SFMBT2: variants seen among roughly 807,000 people sequenced by gnomAD.
SFMBT2 encodes the protein scm-like with four MBT domains protein 2.
A neutral mutation model predicts 110.1 loss-of-function variants in SFMBT2; 38 were observed. That is an observed-to-expected ratio of 0.35 (90% CI 0.27 to 0.45). SFMBT2 has a LOEUF of 0.45. SFMBT2 is among the 20% of genes least tolerant of loss of function. The pLI is 1.00. For missense variants in SFMBT2, 1,011 were observed against 1,094.9 expected, an observed-to-expected ratio of 0.92 and a Z score of 1.08; for synonymous variants, 425 against 425.4, an observed-to-expected ratio of 1.00 and a Z score of 0.01.
At position 7,367,792 on chromosome 10, in the gene SFMBT2, G is replaced by A. The variant is rs1382391895; in HGVS notation, c.293C>T (p.Thr98Ile). 3.7e-6 allele frequency: 6 copies of A among 1,614,058 alleles called. No homozygotes were observed. The highest frequency in any genetic ancestry group is 3.3e-5 in the Admixed American group (2 of 59,998). ...PDTYWVATIITTCGQLLLLRY... is the reference protein window; with the variant it reads ...PDTYWVATIIITCGQLLLLRY... ...CAGAAGCAGCAGCTGCCCGCACGTG[G>A]TAATGATCGTGGCCACCCAGTACGT... The change falls in exon 4 of 21, where the codon ACC (threonine) becomes ATC (isoleucine). Residue 98 changes from threonine to isoleucine, a missense_variant. By Grantham distance (89) the Thr-to-Ile change is moderately conservative. Transcript: ENST00000397167. The surrounding 1 kb of genome is among the most constrained non-coding windows in gnomAD (Gnocchi z 6.2).
At chr10:7,362,322 A>G (rs1056646486) in intron 4 of SFMBT2, among the ~76,000 whole-genome samples, 1 of 152,172 alleles carries the variant, frequency 6.6e-6, no homozygotes, top group Non-Finnish European at 1.5e-5. Flanking sequence ...CATCTCCTGG[A>G]GCTGCCGCCA....
intron 4 of SFMBT2, among the ~76,000 whole-genome samples, chr10:7,360,032 G>C (rs1272172856): frequency 6.6e-6 from 1 of 152,208 alleles, no homozygotes; most frequent in Non-Finnish European, 1.5e-5. Context: ...CACTTCAAAA[G>C]GATGTTCTGA....
chr10:7,266,555 C>T (rs111248157), intron 7 of SFMBT2, among the ~76,000 whole-genome samples: 2 of 152,158 alleles, frequency 1.3e-5, no homozygotes, highest in East Asian at 1.9e-4. Context: ...ACGGCAGGTA[C>T]GTGAAGCCTC....
At chr10:7,223,577 G>T (rs558260088) in intron 10 of SFMBT2, among the ~76,000 whole-genome samples, 1 of 151,972 alleles carries the variant, frequency 6.6e-6, no homozygotes, top group Admixed American at 6.5e-5. Flanking sequence ...TATTTTCAAG[G>T]TCATGGACTC....
Position 7,172,739 on chromosome 10 carries a change from G to A in SFMBT2, c.1985-78C>T, listed in dbSNP as rs1837927108. On this transcript the variant is annotated intron_variant, in intron 17 of 20. Transcript: ENST00000397167. The surrounding 1 kb of genome is among the most constrained non-coding windows in gnomAD (Gnocchi z 4.6). ...GAACAGAGAGAGGAGAGAGAAAGAA[G>A]GGAAACGATTCTTTCATCTGATAGT... The A allele has an allele frequency of 9.6e-6, 14 of 1,462,204 alleles. No individual in the cohort carries two copies. Among genetic ancestry groups the A allele is most frequent in the Non-Finnish European group, 1.2e-5 (13 of 1,085,484 alleles). The allele number at this position is 1,462,204 out of a possible 1,614,324, so 90.6% of individuals were successfully genotyped here. A position where few individuals can be genotyped will look rare whatever the true frequency, so the allele number is the denominator to read the frequency against.
chr10:7,325,019 G>A (rs1305818507), intron 4 of SFMBT2, among the ~76,000 whole-genome samples: 1 of 142,474 alleles, frequency 7.0e-6, no homozygotes. Context: ...CCAGGCTGGA[G>A]TGCAATGGCA....
chr10:7,332,667 A>T (rs12243904), intron 4 of SFMBT2, among the ~76,000 whole-genome samples: 5 of 152,326 alleles, frequency 3.3e-5, no homozygotes, highest in African/African-American at 1.2e-4. Flanking sequence ...CCTAGGAAAA[A>T]AAAATTATTT....
intron 2 of SFMBT2, among the ~76,000 whole-genome samples, chr10:7,375,795 ACACAC>A (rs1453657081): frequency 6.9e-6 from 1 of 144,956 alleles, no homozygotes; most frequent in Non-Finnish European, 1.5e-5. Flanking sequence ...ACACACACAC[ACACAC>A]AAATCACCTA....
At chr10:7,232,354 TA>T (rs1203961290) in intron 9 of SFMBT2, among the ~76,000 whole-genome samples, 1 of 152,112 alleles carries the variant, frequency 6.6e-6, no homozygotes, top group African/African-American at 2.4e-5. Context: ...TCTGGGAACT[TA>T]TCCCATAAAA....
chr10:7,184,048 T>A (rs894287315), intron 16 of SFMBT2, among the ~76,000 whole-genome samples: 2 of 152,212 alleles, frequency 1.3e-5, no homozygotes, highest in Admixed American at 1.3e-4. Flanking sequence ...GATATCAATA[T>A]ATGTGTGGCC....
intron 2 of SFMBT2, among the ~76,000 whole-genome samples, chr10:7,376,727 CAAAAAAAA>C (rs35816107): frequency 2.2e-5 from 1 of 44,736 alleles, no homozygotes; most frequent in African/African-American, 1.0e-4. Context: ...GGCCCTCCCA[CAAAAAAAA>C]AAAAAAAAAA....
chr10:7,229,319 G>A (rs141023879), intron 9 of SFMBT2, among the ~76,000 whole-genome samples: 2,844 of 152,142 alleles, frequency 0.019, 62 homozygotes, highest in African/African-American at 0.062. Flanking sequence ...GGTGGCTCAC[G>A]CCTGTAATCC....
intron 8 of SFMBT2, chr10:7,244,191 T>G (rs1173254228): frequency 4.1e-6 from 1 of 246,720 alleles, no homozygotes; most frequent in Non-Finnish European, 6.5e-6. Flanking sequence ...CACCCCACCC[T>G]CCAGCCCGAG....
chr10:7,405,828 C>G (rs975956271), intron 1 of SFMBT2, among the ~76,000 whole-genome samples: 2 of 124,838 alleles, frequency 1.6e-5, no homozygotes, highest in African/African-American at 5.7e-5. Context: ...CGATTCCCCC[C>G]CCGACCCCCG....
At chr10:7,206,066 T>C (rs935536868) in intron 11 of SFMBT2, 138 bp from the exon 12 acceptor site, 1 of 1,391,174 alleles carries the variant, frequency 7.2e-7, no homozygotes, top group Middle Eastern at 2.7e-4. Context: ...AAAAACAAAA[T>C]AGCCATATGG....
chr10:7,392,341 T>C (rs1020593680), intron 1 of SFMBT2, among the ~76,000 whole-genome samples: 2 of 152,050 alleles, frequency 1.3e-5, no homozygotes, highest in Non-Finnish European at 2.9e-5. Flanking sequence ...ATGCAGAAAC[T>C]CAGTCTCTAC....
chr10:7,185,044 A>G (rs934994326), intron 16 of SFMBT2, among the ~76,000 whole-genome samples: 7 of 152,156 alleles, frequency 4.6e-5, no homozygotes, highest in Non-Finnish European at 7.3e-5. Flanking sequence ...ACTCCTCAGA[A>G]ATTTCTTTCT....
intron 10 of SFMBT2, among the ~76,000 whole-genome samples, chr10:7,226,570 T>C (rs1456942043): frequency 3.9e-5 from 6 of 152,262 alleles, no homozygotes. Flanking sequence ...GAGGAGGCTA[T>C]AATCTTTTTG....
intron 1 of SFMBT2, among the ~76,000 whole-genome samples, chr10:7,402,345 G>T (rs1846103720): frequency 6.6e-6 from 1 of 152,096 alleles, no homozygotes; most frequent in South Asian, 2.1e-4. Context: ...CTATACTTGT[G>T]CCTAGCAAAT....
Sources: gnomAD v4.1 joint callset for allele counts (sites outside exome capture counted in the v4.1 genomes callset) on GRCh38, gnomAD v4.1.1 for gene constraint, Gnocchi (gnomAD v3.1) non-coding constraint, MANE v1.5 for transcripts, NCBI Gene and HGNC (gene_info 2026-07-23, HGNC 2026-07-21) for gene names.